The following SEM1 variants were observed in gnomAD, a reference collection of about 807,000 sequenced individuals.
The protein encoded by SEM1 is SEM1 26S proteasome subunit.
In SEM1, 3 loss-of-function variants were observed where a neutral mutation model predicts 12.7. The observed-to-expected ratio is 0.24, with a 90% CI of 0.11 to 0.61. The LOEUF is 0.61. Ranked by LOEUF, SEM1 falls within the 20% of genes least tolerant of loss-of-function variation. The pLI, the probability that SEM1 is intolerant of heterozygous loss-of-function variation, is 0.88. For missense variants in SEM1, 59 were observed against 81.3 expected, an observed-to-expected ratio of 0.73 and a Z score of 1.06; for synonymous variants, 30 against 27.8, an observed-to-expected ratio of 1.08 and a Z score of -0.25.
chr7:96,704,351 A>C (rs1014291351), intron 1 of SEM1, among the ~76,000 whole-genome samples: 5 of 152,146 alleles, frequency 3.3e-5, no homozygotes, highest in African/African-American at 1.2e-4. Flanking sequence ...TTTTTAATTT[A>C]TACTCTCATT....
At chr7:96,599,153 T>C (rs1807108447) in intron 2 of SEM1, among the ~76,000 whole-genome samples, 1 of 152,104 alleles carries the variant, frequency 6.6e-6, no homozygotes. Flanking sequence ...CCTGTCACAA[T>C]GGAAGGTTTA....
At chr7:96,625,533 CT>C (rs997374604) in intron 2 of SEM1, among the ~76,000 whole-genome samples, 1 of 152,214 alleles carries the variant, frequency 6.6e-6, no homozygotes, top group Non-Finnish European at 1.5e-5. Flanking sequence ...CTGCTCCCCA[CT>C]GCATGAATTA....
chr7:96,667,822 A>G (rs1293232024), intron 2 of SEM1, among the ~76,000 whole-genome samples: 1 of 152,220 alleles, frequency 6.6e-6, no homozygotes, highest in Non-Finnish European at 1.5e-5. Context: ...ATTGTAAAGA[A>G]TATAGTTTGG....
intron 2 of SEM1, among the ~76,000 whole-genome samples, chr7:96,545,128 G>A (rs563179109): frequency 3.3e-5 from 5 of 151,958 alleles, no homozygotes; most frequent in African/African-American, 1.2e-4. Context: ...GGAAGTGGAT[G>A]CACCCCTTTT....
chr7:96,655,932 T>C (rs959447993), intron 2 of SEM1, among the ~76,000 whole-genome samples: 3 of 152,180 alleles, frequency 2.0e-5, no homozygotes, highest in East Asian at 3.9e-4. Context: ...TGGAACTGGC[T>C]ATATAGGAAG....
intron 1 of SEM1, among the ~76,000 whole-genome samples, chr7:96,495,078 AAG>A (rs1468462620): frequency 4.7e-5 from 7 of 147,772 alleles, no homozygotes; most frequent in Non-Finnish European, 1.0e-4. Context: ...GCAAGAGGGA[AAG>A]AGAGAGGGTG....
intron 2 of SEM1, among the ~76,000 whole-genome samples, chr7:96,608,310 T>C (rs964463238): frequency 6.6e-6 from 1 of 152,182 alleles, no homozygotes; most frequent in Non-Finnish European, 1.5e-5. Flanking sequence ...TTGAGTGTGT[T>C]GGTTGGAACC....
chr7:96,688,779 A>T lies in SEM1; in HGVS notation c.*145T>A. On this transcript the variant is annotated 3_prime_UTR_variant, in exon 3 of 3. Transcript: ENST00000248566. ...AACCAAACCAAGATTATATCAAAAC[A>T]TTTATTTTTTGTGTTACAAAAACAC... The T allele has an allele frequency of 1.6e-6, 1 of 619,202 alleles. No homozygotes were observed. Among genetic ancestry groups the T allele is most frequent in the Non-Finnish European group, 2.9e-6 (1 of 350,658 alleles). 38.4% of individuals were successfully genotyped at this position (619,202 alleles called of 1,614,324 possible).
At chr7:96,672,635 T>C (rs1032287393), downstream of SEM1, 2 of 152,218 alleles carry the variant, frequency 1.3e-5, no homozygotes, top group African/African-American at 4.8e-5. Flanking sequence ...AACAAAATAG[T>C]GGCTTCTCAC....
intron 2 of SEM1, among the ~76,000 whole-genome samples, chr7:96,605,529 C>A (rs1237144476): frequency 2.6e-5 from 4 of 152,190 alleles, no homozygotes; most frequent in African/African-American, 9.6e-5. Flanking sequence ...AAAAGCTCTC[C>A]AGATATAGGC....
At chr7:96,673,675 G>A (rs1166867884) in exon 3 of SEM1, 2 of 729,688 alleles carry the variant, frequency 2.7e-6, no homozygotes, top group South Asian at 1.4e-5. Context: ...CACATGACTA[G>A]TGCTCAATAA....
downstream of SEM1, among the ~76,000 whole-genome samples, chr7:96,686,091 G>A (rs1053465014): frequency 6.6e-6 from 1 of 152,036 alleles, no homozygotes; most frequent in Non-Finnish European, 1.5e-5. Context: ...AACTTACTCT[G>A]AGACTGTTTT....
At chr7:96,692,249 G>A (rs566196323) in intron 2 of SEM1, among the ~76,000 whole-genome samples, 138 of 152,246 alleles carry the variant, frequency 9.1e-4, no homozygotes, top group African/African-American at 3.2e-3. Flanking sequence ...ATTCAACAAT[G>A]TATCAATCAG....
chr7:96,516,403 A>G (rs1271097405), intron 2 of SEM1, among the ~76,000 whole-genome samples: 1 of 152,180 alleles, frequency 6.6e-6, no homozygotes, highest in East Asian at 1.9e-4. Flanking sequence ...AAACAACCTA[A>G]TTTAAAAAAT....
chr7:96,583,545 T>G (rs1314044521), intron 2 of SEM1, among the ~76,000 whole-genome samples: 1 of 149,834 alleles, frequency 6.7e-6, no homozygotes, highest in African/African-American at 2.4e-5. Context: ...TTCTGTCTTG[T>G]TGATCTGTCT....
intron 2 of SEM1, chr7:96,645,868 A>C (rs935931695): frequency 2.5e-6 from 1 of 398,304 alleles, no homozygotes; most frequent in African/African-American, 2.1e-5. Context: ...GACTCTGGGA[A>C]TGGAGGTGGG....
chr7:96,516,298 G>T (rs757489329), intron 2 of SEM1, among the ~76,000 whole-genome samples: 4 of 152,058 alleles, frequency 2.6e-5, no homozygotes, highest in Non-Finnish European at 5.9e-5. Flanking sequence ...GAAAAGACAA[G>T]TCACAAGCCA....
intron 2 of SEM1, among the ~76,000 whole-genome samples, chr7:96,648,473 A>G (rs1439334077): frequency 2.0e-5 from 3 of 152,228 alleles, no homozygotes; most frequent in Non-Finnish European, 2.9e-5. Context: ...GGAAGTATCC[A>G]TCTTAAAAAG....
At chr7:96,685,813 A>G (rs1437172791), downstream of SEM1, among the ~76,000 whole-genome samples, 1 of 151,654 alleles carries the variant, frequency 6.6e-6, no homozygotes, top group Non-Finnish European at 1.5e-5. Context: ...TTGATTGATT[A>G]CCACCACTAT....
Sources: gnomAD v4.1 joint callset for allele counts (sites outside exome capture counted in the v4.1 genomes callset) on GRCh38, gnomAD v4.1.1 for gene constraint, MANE v1.5 for transcripts, NCBI Gene and HGNC (gene_info 2026-07-23, HGNC 2026-07-21) for gene names.